Variants in SLC2A13 observed in about 807,000 individuals in gnomAD.
SLC2A13 encodes proton myo-inositol cotransporter.
Under a neutral mutation model 64.4 loss-of-function variants are expected in SLC2A13, and 32 were observed. The ratio of observed to expected loss-of-function variants is 0.50; its 90% CI spans 0.37 to 0.67. The LOEUF is 0.67. SLC2A13 is among the 30% of genes least tolerant of loss of function. SLC2A13 has a pLI of 0.00. For missense variants in SLC2A13, 743 were observed against 829.2 expected (o/e 0.90, Z 1.28); for synonymous variants, 338 against 327.1 (o/e 1.03, Z -0.36).
intron 7 of SLC2A13, among the ~76,000 whole-genome samples, chr12:39,792,803 G>GA (rs71075082): frequency 0.92 from 137,672 of 149,484 alleles, 63,713 homozygotes; most frequent in Middle Eastern, 0.97. Flanking sequence ...TGTATTTAAT[G>GA]AAAAAAAAAA....
chr12:40,058,398 A>G lies in SLC2A13; in HGVS notation c.557-10188T>C, dbSNP rs574023617. Among the ~76,000 whole-genome samples, 35 of 152,276 alleles carry G rather than the reference A, an allele frequency of 2.3e-4. 1 individual carries two copies. The highest frequency in any genetic ancestry group is 2.0e-3 in the Admixed American group (30 of 15,284). On this transcript the variant is annotated intron_variant, in intron 1 of 9. Coordinates refer to ENST00000280871, the MANE Select transcript of SLC2A13 (RefSeq NM_052885.4). ...AGATACTTTTAAATTAGAAAATAGA[A>G]AAGTTTGTTACAGAGCAATGAGAAG... is the stretch of plus-strand genomic sequence containing the variant.
At chr12:39,874,974 C>A (rs998696224) in intron 4 of SLC2A13, among the ~76,000 whole-genome samples, 25 of 152,210 alleles carry the variant, frequency 1.6e-4, no homozygotes, top group African/African-American at 6.0e-4. Context: ...GTATCTCCCT[C>A]TGAGCAAGAG....
chr12:39,994,926 A>G (rs1468086865), intron 3 of SLC2A13, among the ~76,000 whole-genome samples: 6 of 152,264 alleles, frequency 3.9e-5, no homozygotes, highest in Admixed American at 3.9e-4. Context: ...GAACAGGCAT[A>G]TCAACAGGAC....
At chr12:39,840,818 C>T (rs1943160697) in intron 6 of SLC2A13, among the ~76,000 whole-genome samples, 1 of 152,010 alleles carries the variant, frequency 6.6e-6, no homozygotes, top group Non-Finnish European at 1.5e-5. Context: ...AGCTTTTATT[C>T]CTAGAGATTT....
At chr12:39,871,171 A>G (rs1944042141) in intron 5 of SLC2A13, among the ~76,000 whole-genome samples, 1 of 152,204 alleles carries the variant, frequency 6.6e-6, no homozygotes, top group Non-Finnish European at 1.5e-5. Context: ...CCTTGTGTAC[A>G]GTGAAATAAT....
At chr12:39,948,783 A>G (rs890198137) in intron 4 of SLC2A13, among the ~76,000 whole-genome samples, 7 of 152,146 alleles carry the variant, frequency 4.6e-5, no homozygotes. Flanking sequence ...AAAAGAGTAA[A>G]ATTTTATATA....
intron 1 of SLC2A13, among the ~76,000 whole-genome samples, chr12:40,067,589 A>C (rs1246089017): frequency 6.6e-6 from 1 of 152,092 alleles, no homozygotes; most frequent in East Asian, 1.9e-4. Flanking sequence ...ATTAGTGTTA[A>C]TTTCTAATAT....
chr12:40,079,048 C>A (rs1361427578), intron 1 of SLC2A13, among the ~76,000 whole-genome samples: 1 of 152,136 alleles, frequency 6.6e-6, no homozygotes, highest in African/African-American at 2.4e-5. Flanking sequence ...AACAGTCTCT[C>A]AATCTTATGC....
At position 39,766,688 on chromosome 12, in the gene SLC2A13, G is replaced by A. The variant is rs555689496; in HGVS notation, c.1446-1830C>T. Among the ~76,000 whole-genome samples, 3 of 152,194 alleles carry A rather than the reference G, an allele frequency of 2.0e-5. No individual in the cohort carries two copies. In the South Asian group the frequency reaches 6.2e-4, roughly 32 times the overall value. On this transcript the variant is annotated intron_variant, in intron 7 of 9. Coordinates refer to ENST00000280871, the MANE Select transcript of SLC2A13 (RefSeq NM_052885.4). ...ACTCTGCTACTGCTTTGTCAACTAAGTTCGTGTGATACTGTAAATCCTTTG... is the reference window on the plus strand; with the variant it reads ...ACTCTGCTACTGCTTTGTCAACTAAATTCGTGTGATACTGTAAATCCTTTG...
chr12:39,896,792 T>C (rs1038922756), intron 4 of SLC2A13, among the ~76,000 whole-genome samples: 3 of 152,098 alleles, frequency 2.0e-5, no homozygotes, highest in Non-Finnish European at 2.9e-5. Context: ...AAAAGTTGCA[T>C]ATATTTAAGT....
chr12:39,768,160 TA>T (rs1204724351), intron 7 of SLC2A13, among the ~76,000 whole-genome samples: 2 of 152,104 alleles, frequency 1.3e-5, no homozygotes, highest in Non-Finnish European at 2.9e-5. Context: ...CAACCTCTGC[TA>T]GCCTCAAACT....
chr12:39,875,208 G>A (rs150810348), intron 4 of SLC2A13, among the ~76,000 whole-genome samples: 319 of 152,294 alleles, frequency 2.1e-3, no homozygotes, highest in African/African-American at 7.2e-3. Context: ...TGTCAGTAGA[G>A]CTCTGTCCCT....
In SLC2A13 at chr12:39,938,075, T is replaced by A. The variant is rs558046505; in HGVS notation, c.1034+13182A>T. Among the ~76,000 whole-genome samples, 19 of 152,254 alleles carry A rather than the reference T, an allele frequency of 1.2e-4. No homozygotes were observed. In the South Asian group the frequency reaches 3.3e-3, roughly 27 times the overall value. The stretch of plus-strand genomic sequence containing the variant: ...ACGGGTAGAGGGTAAAGAAGGTGGA[T>A]TAACGGTGGGATGTTTCTGCTTTCC... On this transcript the variant is annotated intron_variant, in intron 4 of 9. Transcript: ENST00000280871.
intron 7 of SLC2A13, among the ~76,000 whole-genome samples, chr12:39,812,793 C>T (rs1286245121): frequency 1.4e-5 from 2 of 145,598 alleles, no homozygotes; most frequent in Admixed American, 1.4e-4. Flanking sequence ...CAACATATGA[C>T]TTTAGGGGGT....
chr12:39,836,419 A>C (rs920814774), intron 6 of SLC2A13, among the ~76,000 whole-genome samples: 1 of 152,188 alleles, frequency 6.6e-6, no homozygotes, highest in Non-Finnish European at 1.5e-5. Context: ...GAAAGGGAGA[A>C]AATCGGCATA....
chr12:39,952,917 T>A (rs980510922), intron 3 of SLC2A13, among the ~76,000 whole-genome samples: 5 of 152,018 alleles, frequency 3.3e-5, no homozygotes, highest in Non-Finnish European at 5.9e-5. Context: ...ACCCACAAAA[T>A]AAGCAAGGCA....
At chr12:40,068,423 C>A in intron 1 of SLC2A13, 1 of 256,906 alleles carries the variant, frequency 3.9e-6, no homozygotes, top group South Asian at 3.8e-5. Context: ...TTGGGGATTT[C>A]CTCAAAGCTG....
At position 40,043,116 on chromosome 12, in the gene SLC2A13, A is replaced by AT. The variant is rs200326651; in HGVS notation, c.716+4934dup. Reference sequence around the variant, plus strand: ...ACTACAAGCCATGATAAAGAATTTAATTTTTTTTTCCCTGTAGGAAATAGA... The same window carrying AT: ...ACTACAAGCCATGATAAAGAATTTAATTTTTTTTTTCCCTGTAGGAAATAGA... On this transcript the variant is annotated intron_variant, in intron 2 of 9. Transcript: ENST00000280871. Among the ~76,000 whole-genome samples, 6 of 151,490 alleles carry AT rather than the reference A, an allele frequency of 4.0e-5. No homozygotes were observed. In the South Asian group the frequency reaches 6.3e-4, roughly 16 times the overall value.
Position 39,759,409 on chromosome 12 carries a change from C to G in SLC2A13, c.*617G>C, listed in dbSNP as rs1276133908. On this transcript the variant is annotated 3_prime_UTR_variant, in exon 10 of 10. Transcript: ENST00000280871. ...AAAAGATAGTGTGCAGAGTCAGTAT[C>G]TGAAGAACTCCCAATATCTGAATTG... 2 of 152,424 alleles carry G rather than the reference C, an allele frequency of 1.3e-5. No individual in the cohort carries two copies. The highest frequency in any genetic ancestry group is 2.9e-5 in the Non-Finnish European group (2 of 68,008). 9.4% of individuals were successfully genotyped at this position (152,424 alleles called of 1,614,324 possible). A position where few individuals can be genotyped will look rare whatever the true frequency, so the allele number is the denominator to read the frequency against.
Sources: allele counts gnomAD v4.1 joint callset (sites outside exome capture counted in the v4.1 genomes callset), GRCh38; gene constraint gnomAD v4.1.1; transcripts MANE v1.5; gene names NCBI Gene and HGNC (gene_info 2026-07-23, HGNC 2026-07-21).